SLC24A2: variants seen among roughly 807,000 people sequenced by gnomAD.
SLC24A2 encodes sodium/potassium/calcium exchanger 2.
In SLC24A2, 36 loss-of-function variants were observed where a neutral mutation model predicts 62.0. That is an observed-to-expected ratio of 0.58 (90% CI 0.44 to 0.77). The LOEUF is 0.77. SLC24A2 is among the 30% of genes least tolerant of loss of function. The pLI is 0.00. For synonymous variants in SLC24A2, 358 were observed against 294.0 expected, an observed-to-expected ratio of 1.22 and a Z score of -2.23; for missense variants, 846 against 817.9, an observed-to-expected ratio of 1.03 and a Z score of -0.42.
At chr9:20,178,353 A>G in the SLC24A2 span, among the ~76,000 whole-genome samples, 1 of 152,134 alleles carries the variant, frequency 6.6e-6, no homozygotes, top group Non-Finnish European at 1.5e-5. Flanking sequence ...TCCCCAGTGC[A>G]GTGTGCAAAG....
At chr9:19,851,958 G>A in the SLC24A2 span, among the ~76,000 whole-genome samples, 4 of 152,116 alleles carry the variant, frequency 2.6e-5, no homozygotes, top group Non-Finnish European at 5.9e-5. Flanking sequence ...TGCTATAAAA[G>A]CGTTCCTGTT....
chr9:19,886,588 A>G, the SLC24A2 span, among the ~76,000 whole-genome samples: 1 of 152,206 alleles, frequency 6.6e-6, no homozygotes, highest in African/African-American at 2.4e-5. Flanking sequence ...AGAAATAGGA[A>G]CGCTTTTACA....
the SLC24A2 span, among the ~76,000 whole-genome samples, chr9:20,060,324 C>T: frequency 6.6e-6 from 1 of 151,960 alleles, no homozygotes; most frequent in African/African-American, 2.4e-5. Flanking sequence ...CTTTATTCCT[C>T]ATACCAAAGT....
chr9:20,120,811 A>C, the SLC24A2 span, among the ~76,000 whole-genome samples: 6 of 151,980 alleles, frequency 3.9e-5, no homozygotes, highest in African/African-American at 1.4e-4. Flanking sequence ...ATTTCAAATT[A>C]ATGTTTTGTA....
At chr9:20,232,060 C>T in the SLC24A2 span, among the ~76,000 whole-genome samples, 1 of 152,134 alleles carries the variant, frequency 6.6e-6, no homozygotes, top group Non-Finnish European at 1.5e-5. Flanking sequence ...TATGTTGAAC[C>T]AGCCTTGCAT....
At chr9:19,998,026 C>A in the SLC24A2 span, among the ~76,000 whole-genome samples, 4 of 152,210 alleles carry the variant, frequency 2.6e-5, no homozygotes, top group African/African-American at 7.2e-5. Flanking sequence ...AAGGATAAGC[C>A]ATACAATAAT....
the SLC24A2 span, among the ~76,000 whole-genome samples, chr9:20,078,051 G>T: frequency 2.7e-5 from 4 of 146,634 alleles, no homozygotes; most frequent in African/African-American, 4.9e-5. Context: ...TCTGGGATGG[G>T]GTTGGGGGAT....
At chr9:20,242,074 C>T in the SLC24A2 span, among the ~76,000 whole-genome samples, 5 of 152,202 alleles carry the variant, frequency 3.3e-5, no homozygotes, top group African/African-American at 4.8e-5. Context: ...TATGGACTAA[C>T]GCGCCAGCAG....
intron 1 of SLC24A2, among the ~76,000 whole-genome samples, chr9:19,787,808 A>G (rs1823220527): frequency 6.6e-6 from 1 of 152,222 alleles, no homozygotes; most frequent in African/African-American, 2.4e-5. Flanking sequence ...CAGTGAAATA[A>G]CAAGTAGGCT....
intron 7 of SLC24A2, 110 bp from the exon 8 acceptor site, chr9:19,550,378 G>T: frequency 1.7e-6 from 2 of 1,145,576 alleles, no homozygotes; most frequent in Non-Finnish European, 2.6e-6. Flanking sequence ...TCAGTTTTCT[G>T]GACTCGTTCC....
chr9:19,581,271 T>C (rs1836201448), intron 5 of SLC24A2, among the ~76,000 whole-genome samples: 1 of 152,128 alleles, frequency 6.6e-6, no homozygotes, highest in South Asian at 2.1e-4. Context: ...AAGGTCAAGG[T>C]GATAGAGCTG....
the SLC24A2 span, among the ~76,000 whole-genome samples, chr9:20,212,985 A>T: frequency 5.3e-5 from 8 of 151,742 alleles, no homozygotes; most frequent in Non-Finnish European, 2.9e-5. Flanking sequence ...ACACATAGAC[A>T]CAGGGACGGG....
the SLC24A2 span, among the ~76,000 whole-genome samples, chr9:20,102,045 A>C: frequency 6.6e-6 from 1 of 152,200 alleles, no homozygotes; most frequent in African/African-American, 2.4e-5. Context: ...TTGTGTTTAC[A>C]ATGAAACACC....
chr9:20,141,136 C>T, the SLC24A2 span, among the ~76,000 whole-genome samples: 1 of 152,110 alleles, frequency 6.6e-6, no homozygotes, highest in Non-Finnish European at 1.5e-5. Context: ...GGCAAGTTTC[C>T]ATGTCTACAA....
At chr9:20,235,472 A>T in the SLC24A2 span, among the ~76,000 whole-genome samples, 14 of 151,896 alleles carry the variant, frequency 9.2e-5, no homozygotes, top group Non-Finnish European at 2.1e-4. Context: ...TTGCAGTTTG[A>T]TCTCGGATTG....
At chr9:20,128,789 T>C in the SLC24A2 span, among the ~76,000 whole-genome samples, 1 of 152,052 alleles carries the variant, frequency 6.6e-6, no homozygotes, top group East Asian at 1.9e-4. Context: ...CCTTACCTCA[T>C]ACCACATACA....
chr9:20,251,427 A>G, the SLC24A2 span, among the ~76,000 whole-genome samples: 1 of 152,204 alleles, frequency 6.6e-6, no homozygotes, highest in Admixed American at 6.5e-5. Context: ...AAAAATGACC[A>G]AAATAATAGT....
intron 4 of SLC24A2, among the ~76,000 whole-genome samples, chr9:19,600,085 T>A (rs538061267): frequency 1.6e-4 from 25 of 152,310 alleles, no homozygotes; most frequent in African/African-American, 5.8e-4. Flanking sequence ...GGAAGAGCCA[T>A]ACATCACCTG....
chr9:19,917,598 C>T, the SLC24A2 span, among the ~76,000 whole-genome samples: 2 of 151,730 alleles, frequency 1.3e-5, no homozygotes. Context: ...AAGCTTATCC[C>T]TCGGGTTTTC....
Sources: gnomAD v4.1 joint callset for allele counts (sites outside exome capture counted in the v4.1 genomes callset) on GRCh38, gnomAD v4.1.1 for gene constraint, MANE v1.5 for transcripts, NCBI Gene and HGNC (gene_info 2026-07-23, HGNC 2026-07-21) for gene names.